The following PPP4R2 variants were observed in gnomAD, a reference collection of about 807,000 sequenced individuals.
PPP4R2 encodes the protein serine/threonine-protein phosphatase 4 regulatory subunit 2.
A neutral mutation model predicts 47.2 loss-of-function variants in PPP4R2; 13 were observed. That is an observed-to-expected ratio of 0.28 (90% confidence interval 0.18 to 0.44). The LOEUF (loss-of-function observed/expected upper bound fraction) is 0.44. PPP4R2 is among the 20% of genes least tolerant of loss of function. The probability of loss-of-function intolerance (pLI) is 1.00; values close to 1 mark genes in which losing one functional copy is unlikely to be tolerated. For synonymous variants in PPP4R2, 151 were observed against 163.3 expected, an observed-to-expected ratio of 0.92 and a Z score of 0.57; for missense variants, 421 against 491.2, an observed-to-expected ratio of 0.86 and a Z score of 1.35.
At chr3:73,014,966 AC>A (rs1701793599) in intron 2 of PPP4R2, 2 of 694,936 alleles carry the variant, frequency 2.9e-6, no homozygotes, top group Non-Finnish European at 2.6e-6. Flanking sequence ...AACTTCCCAA[AC>A]TGCGGGGATT....
chr3:72,998,731 G>A (rs1437134012), intron 2 of PPP4R2, among the ~76,000 whole-genome samples: 1 of 152,116 alleles, frequency 6.6e-6, no homozygotes, highest in African/African-American at 2.4e-5. Flanking sequence ...TATTCAGCTC[G>A]TTTCCAAATG....
At chr3:72,998,048 A>G (rs768253586) in intron 1 of PPP4R2, 29 bp from the exon 2 acceptor site, 5 of 1,521,248 alleles carry the variant, frequency 3.3e-6, no homozygotes, top group South Asian at 2.3e-5. Context: ...GAGAAAACTG[A>G]TAACGTTTTT....
intron 3 of PPP4R2, among the ~76,000 whole-genome samples, chr3:73,053,149 G>A (rs1227115534): frequency 6.6e-6 from 1 of 152,154 alleles, no homozygotes; most frequent in African/African-American, 2.4e-5. Context: ...ATAGGTTTTT[G>A]TGCTGTTAAT....
chr3:73,052,241 C>CTTTTTTTTTTTTTTTTTTTTGTTT (rs71845467), intron 3 of PPP4R2, among the ~76,000 whole-genome samples: 1 of 137,732 alleles, frequency 7.3e-6, no homozygotes, highest in African/African-American at 2.8e-5. Flanking sequence ...TAATTTCTTT[C>CTTTTTTTTTTTTTTTTTTTTGTTT]TTTTCTTTTT....
chr3:73,019,652 G>A (rs1305638259), intron 2 of PPP4R2, among the ~76,000 whole-genome samples: 2 of 152,186 alleles, frequency 1.3e-5, no homozygotes, highest in African/African-American at 4.8e-5. Context: ...GGGATTACAG[G>A]TGTGAGCAAC....
Position 73,065,936 on chromosome 3 carries a change from T to C in PPP4R2, c.*214T>C, listed in dbSNP as rs1280120481. The C allele has an allele frequency of 2.9e-5, 10 of 345,956 alleles. No individual in the cohort carries two copies. Among genetic ancestry groups the C allele is most frequent in the South Asian group, 1.2e-4 (1 of 8,070 alleles). The allele number at this position is 345,956 out of a possible 1,614,324, so 21.4% of individuals were successfully genotyped here. A position where few individuals can be genotyped will look rare whatever the true frequency, so the allele number is the denominator to read the frequency against. ...GCTTACCTTACCGCTGACTTTTCTT[T>C]CTTTCTTTTTTTGGTCTGGGCAAAT... is the stretch of plus-strand genomic sequence containing the variant. On this transcript the variant is annotated 3_prime_UTR_variant, in exon 9 of 9. Transcript: ENST00000356692.
At chr3:73,054,419 T>C (rs1018835493) in intron 3 of PPP4R2, among the ~76,000 whole-genome samples, 2 of 152,248 alleles carry the variant, frequency 1.3e-5, no homozygotes, top group African/African-American at 4.8e-5. Flanking sequence ...TTCTGACTTT[T>C]GTAAGACTTT....
At chr3:73,011,654 T>C (rs1197557690) in intron 2 of PPP4R2, among the ~76,000 whole-genome samples, 1 of 152,166 alleles carries the variant, frequency 6.6e-6, no homozygotes, top group Admixed American at 6.5e-5. Context: ...ATGACTGATG[T>C]ACCCTTAACA....
intron 2 of PPP4R2, among the ~76,000 whole-genome samples, chr3:73,017,417 C>A (rs1290352796): frequency 6.6e-6 from 1 of 152,176 alleles, no homozygotes; most frequent in Non-Finnish European, 1.5e-5. Flanking sequence ...GATACACCAA[C>A]CAGTCTTCAG....
chr3:73,021,125 T>C (rs1232917838), intron 2 of PPP4R2, among the ~76,000 whole-genome samples: 3 of 152,300 alleles, frequency 2.0e-5, no homozygotes, highest in East Asian at 1.9e-4. Context: ...TTGAAAATTA[T>C]GTTAACTAAG....
chr3:73,060,590 G>T (rs1045788522), intron 4 of PPP4R2, among the ~76,000 whole-genome samples: 1 of 118,660 alleles, frequency 8.4e-6, no homozygotes, highest in Non-Finnish European at 1.9e-5. Context: ...TACAAAAAAG[G>T]TTTGAGTCTC....
At position 73,059,031 on chromosome 3, in the gene PPP4R2, T is replaced by C. The variant is rs1220026833; in HGVS notation, c.288-6T>C. On this transcript the variant is annotated splice_region_variant and splice_polypyrimidine_tract_variant and intron_variant, in intron 3 of 8. Coordinates refer to ENST00000356692, the MANE Select transcript of PPP4R2 (RefSeq NM_174907.4). ...TCTCACACTGTAAAATTATATTTTT[T>C]TGCAGTATCCCTTTTACTATTCAGC... 2.0e-6 allele frequency: 3 copies of C among 1,532,982 alleles called. No homozygotes were observed. Among genetic ancestry groups the C allele is most frequent in the East Asian group, 4.5e-5 (2 of 44,272 alleles). The allele number at this position is 1,532,982 out of a possible 1,614,324, so 95.0% of individuals were successfully genotyped here.
At chr3:73,047,145 A>C (rs529484916) in intron 2 of PPP4R2, 41 bp from the exon 3 acceptor site, 4 of 1,130,810 alleles carry the variant, frequency 3.5e-6, no homozygotes, top group Non-Finnish European at 3.8e-6. Context: ...AGAATTGTGA[A>C]GCTACATGGT....
chr3:73,050,760 A>G (rs1194748832), intron 3 of PPP4R2, among the ~76,000 whole-genome samples: 1 of 152,142 alleles, frequency 6.6e-6, no homozygotes, highest in East Asian at 1.9e-4. Flanking sequence ...ATTGTTTTCT[A>G]TTATGTGAAT....
At chr3:72,998,284 T>C (rs1448952608) in intron 2 of PPP4R2, 126 bp downstream of exon 2, 1 of 584,714 alleles carries the variant, frequency 1.7e-6, no homozygotes, top group African/African-American at 2.0e-5. Context: ...TCCTGGTCAT[T>C]TAAATAATTT....
intron 2 of PPP4R2, among the ~76,000 whole-genome samples, chr3:73,023,551 A>G (rs4677228): frequency 0.53 from 80,135 of 152,002 alleles, 21,509 homozygotes; most frequent in African/African-American, 0.62. Context: ...ATGAGGCATA[A>G]GGTGTTAAAA....
chr3:73,042,847 G>A (rs919884074), intron 2 of PPP4R2, among the ~76,000 whole-genome samples: 2 of 152,098 alleles, frequency 1.3e-5, no homozygotes, highest in African/African-American at 4.8e-5. Flanking sequence ...TTATTTGAAA[G>A]TTAAGACTAC....
chr3:73,031,063 G>T (rs760106201), intron 2 of PPP4R2, among the ~76,000 whole-genome samples: 10 of 152,100 alleles, frequency 6.6e-5, no homozygotes, highest in Non-Finnish European at 1.3e-4. Flanking sequence ...AGAGGGTTGA[G>T]GGACAGTAAA....
At chr3:73,038,961 A>G (rs903695447) in intron 2 of PPP4R2, among the ~76,000 whole-genome samples, 1 of 152,210 alleles carries the variant, frequency 6.6e-6, no homozygotes, top group African/African-American at 2.4e-5. Context: ...TCAGTGGCAA[A>G]TACTTTCCCT....
Sources: gnomAD v4.1 joint callset for allele counts (sites outside exome capture counted in the v4.1 genomes callset) on GRCh38, gnomAD v4.1.1 for gene constraint, MANE v1.5 for transcripts, NCBI Gene and HGNC (gene_info 2026-07-23, HGNC 2026-07-21) for gene names.